Variants in FER observed in about 807,000 individuals in gnomAD.
FER encodes the protein tyrosine-protein kinase Fer.
In FER, 63 loss-of-function variants were observed where a neutral mutation model predicts 111.0. The ratio of observed to expected loss-of-function variants is 0.57; its 90% CI spans 0.46 to 0.70. The LOEUF is 0.70. FER is among the 30% of genes least tolerant of loss of function. FER has a pLI of 0.00. For missense variants in FER, 914 were observed against 954.0 expected (o/e 0.96, Z 0.55); for synonymous variants, 327 against 313.9 (o/e 1.04, Z -0.44).
chr5:109,044,185 T>TTC (rs202238091), intron 14 of FER, among the ~76,000 whole-genome samples: 4 of 140,962 alleles, frequency 2.8e-5, no homozygotes, highest in Admixed American at 6.9e-5. Flanking sequence ...ATCAGGCCTT[T>TTC]TTTTTTTTTT....
At chr5:109,046,528 A>G (rs1362681756) in intron 15 of FER, among the ~76,000 whole-genome samples, 3 of 152,136 alleles carry the variant, frequency 2.0e-5, no homozygotes, top group South Asian at 4.1e-4. Context: ...AATAATTTTT[A>G]AAAGAATATT....
intron 13 of FER, among the ~76,000 whole-genome samples, chr5:109,000,074 G>A (rs1215340561): frequency 1.3e-5 from 2 of 151,506 alleles, no homozygotes; most frequent in African/African-American, 4.8e-5. Flanking sequence ...GCTATGTGTT[G>A]GACGCTGGCA....
chr5:109,143,719 T>TGTTG (rs1753767152), intron 17 of FER, among the ~76,000 whole-genome samples: 1 of 143,140 alleles, frequency 7.0e-6, no homozygotes. Context: ...TTTTGTTTTG[T>TGTTG]TTTTTTTTGA....
In FER at chr5:109,118,266, T is replaced by G. The variant is rs186936501; in HGVS notation, c.2048+17747T>G. On this transcript the variant is annotated intron_variant, in intron 17 of 19. Transcript: ENST00000281092. ...TTTTCTTCATCTATTGAGATAATCATATGGTTTTTGTCGTTGGTTCTGTTT... is the reference window on the plus strand; with the variant it reads ...TTTTCTTCATCTATTGAGATAATCAGATGGTTTTTGTCGTTGGTTCTGTTT... Among the ~76,000 whole-genome samples, 480 of 152,340 alleles carry G rather than the reference T, an allele frequency of 3.2e-3. 1 individual carries two copies. Among genetic ancestry groups the G allele is most frequent in the Middle Eastern group, 6.8e-3 (2 of 294 alleles).
chr5:109,154,770 TGAC>T (rs1330499864), intron 17 of FER, among the ~76,000 whole-genome samples: 2 of 151,816 alleles, frequency 1.3e-5, no homozygotes, highest in African/African-American at 4.8e-5. Context: ...AATGAAAAAA[TGAC>T]TCATTTGGAA....
In FER at chr5:108,960,595, A is replaced by G. The variant is rs547210802; in HGVS notation, c.1656+1248A>G. ...TCAATATTTCCTCCTTCATCTGTAA[A>G]TGAATGCTGTTATAGAATTCTAAGA... On this transcript the variant is annotated intron_variant, in intron 13 of 19. Transcript: ENST00000281092. Among the ~76,000 whole-genome samples, 11 of 152,198 alleles carry G rather than the reference A, an allele frequency of 7.2e-5. No individual in the cohort carries two copies. The South Asian group carries it at 2.3e-3, about 32-fold the overall frequency.
At chr5:109,136,183 C>T (rs1259481368) in intron 17 of FER, among the ~76,000 whole-genome samples, 3 of 151,914 alleles carry the variant, frequency 2.0e-5, no homozygotes, top group African/African-American at 7.3e-5. Context: ...TTGAACCCTA[C>T]TTGGGAGGCT....
chr5:109,062,022 T>TTTGCTTGCTTGC (rs112245118), intron 16 of FER, among the ~76,000 whole-genome samples: 19,537 of 150,572 alleles, frequency 0.13, 1,313 homozygotes, highest in Non-Finnish European at 0.14. Flanking sequence ...TTATGAATAC[T>TTTGCTTGCTTGC]TTGCTTGCTT....
intron 10 of FER, among the ~76,000 whole-genome samples, chr5:108,915,379 G>GGA (rs2150367232): frequency 6.6e-6 from 1 of 152,248 alleles, no homozygotes; most frequent in East Asian, 1.9e-4. Flanking sequence ...GGCTGAGGCA[G>GGA]GAGAAACGCT....
chr5:108,808,605 A>G (rs1429774372), intron 3 of FER, among the ~76,000 whole-genome samples: 2 of 151,864 alleles, frequency 1.3e-5, no homozygotes, highest in African/African-American at 4.8e-5. Context: ...CAATATTAAT[A>G]TTAATATTAA....
At chr5:108,757,953 T>A (rs1387236041) in intron 1 of FER, among the ~76,000 whole-genome samples, 9 of 152,214 alleles carry the variant, frequency 5.9e-5, no homozygotes, top group Non-Finnish European at 1.3e-4. Context: ...TGTCTGGAAC[T>A]GGCATTCTAA....
At chr5:109,115,947 A>G (rs1750176925) in intron 17 of FER, among the ~76,000 whole-genome samples, 1 of 152,066 alleles carries the variant, frequency 6.6e-6, no homozygotes, top group Non-Finnish European at 1.5e-5. Flanking sequence ...ATAAAAATTT[A>G]TTTTCCATCA....
chr5:108,812,389 C>A (rs568857902), intron 3 of FER, among the ~76,000 whole-genome samples: 26 of 152,244 alleles, frequency 1.7e-4, no homozygotes, highest in Non-Finnish European at 3.7e-4. Flanking sequence ...ATTAATATAA[C>A]CACGCTGGGT....
intron 10 of FER, among the ~76,000 whole-genome samples, chr5:108,919,575 A>G (rs1280969205): frequency 6.6e-6 from 1 of 152,192 alleles, no homozygotes; most frequent in African/African-American, 2.4e-5. Flanking sequence ...ATTACTCTTT[A>G]CTGTGTGCTA....
At chr5:108,776,585 T>C (rs1226404903) in intron 2 of FER, among the ~76,000 whole-genome samples, 1 of 152,202 alleles carries the variant, frequency 6.6e-6, no homozygotes, top group East Asian at 1.9e-4. Context: ...GGGAATCCGA[T>C]TATCCTTCCA....
intron 17 of FER, among the ~76,000 whole-genome samples, chr5:109,120,897 T>C (rs1750879654): frequency 6.6e-6 from 1 of 152,164 alleles, no homozygotes. Flanking sequence ...TTTCAACTTG[T>C]TTGCTGTTGG....
At chr5:109,166,590 A>G (rs73779047) in intron 17 of FER, among the ~76,000 whole-genome samples, 26,978 of 152,082 alleles carry the variant, frequency 0.18, 2,556 homozygotes, top group Non-Finnish European at 0.2. Flanking sequence ...CAGTGTCTCA[A>G]AGTATAGTGT....
intron 13 of FER, among the ~76,000 whole-genome samples, chr5:109,019,794 C>T (rs1182606623): frequency 6.6e-6 from 1 of 151,792 alleles, no homozygotes; most frequent in African/African-American, 2.4e-5. Context: ...TAACCTTTTA[C>T]TTTCCAAACT....
At chr5:109,161,302 G>C (rs1468671812) in intron 17 of FER, among the ~76,000 whole-genome samples, 5 of 152,060 alleles carry the variant, frequency 3.3e-5, no homozygotes, top group Non-Finnish European at 7.4e-5. Context: ...GTGCAGGTTT[G>C]TTAGATTGGT....
Sources: allele counts gnomAD v4.1 joint callset (sites outside exome capture counted in the v4.1 genomes callset), GRCh38; gene constraint gnomAD v4.1.1; transcripts MANE v1.5; gene names NCBI Gene and HGNC (gene_info 2026-07-23, HGNC 2026-07-21).